The following ANKRA2 variants were observed in gnomAD, a reference collection of about 807,000 sequenced individuals.
ANKRA2 encodes ankyrin repeat family A member 2, also known as ankyrin repeat family A protein 2.
In ANKRA2, 33 loss-of-function variants were observed where a neutral mutation model predicts 37.8. The observed-to-expected ratio is 0.87, with a 90% confidence interval of 0.66 to 1.17. The LOEUF (loss-of-function observed/expected upper bound fraction) is 1.17, where lower values mean the gene tolerates loss of function less well. Ranked by LOEUF, ANKRA2 falls within the 50% of genes most tolerant of loss-of-function variation. ANKRA2 has a pLI of 0.00. For missense variants in ANKRA2, 326 were observed against 373.7 expected (o/e 0.87, Z 1.05); for synonymous variants, 126 against 132.3 (o/e 0.95, Z 0.33).
chr5:73,555,259 T>C, intron 5 of ANKRA2: 3 of 1,223,502 alleles, frequency 2.5e-6, no homozygotes, highest in Non-Finnish European at 3.3e-6. Context: ...ACAGTACTTC[T>C]GTTCCCGTGG....
chr5:73,562,794 T>C lies in ANKRA2; in HGVS notation c.88A>G (p.Ile30Val). 6.2e-7 allele frequency: 1 copy of C among 1,614,210 alleles called. No individual in the cohort carries two copies. Among genetic ancestry groups the C allele is most frequent in the East Asian group, 2.2e-5 (1 of 44,880 alleles). The change falls in exon 2 of 9, where the codon ATT (isoleucine) becomes GTT (valine). Residue 30 changes from isoleucine (I) to valine (V), a missense_variant. This residue lies in a region of ANKRA2 where 93 missense variants were observed against 91.1 expected (regional missense o/e 1.02). Transcript: ENST00000296785. ...STYSLTGMPD[I>V]KIEHPLDPNS... is the part of the protein sequence containing the mutation. The stretch of plus-strand genomic sequence containing the variant: ...GGGTCCAGTGGATGTTCTATTTTAA[T>C]GTCTGGCATGCCAGTTAGGCTATAA...
intron 3 of ANKRA2, among the ~76,000 whole-genome samples, chr5:73,560,425 A>G (rs1747516749): frequency 6.6e-6 from 1 of 152,058 alleles, no homozygotes; most frequent in African/African-American, 2.4e-5. Context: ...CAATGGTGCT[A>G]TTTCAGCTCA....
intron 3 of ANKRA2, among the ~76,000 whole-genome samples, chr5:73,558,302 G>C (rs565394248): frequency 1.3e-5 from 2 of 152,014 alleles, no homozygotes; most frequent in African/African-American, 4.8e-5. Flanking sequence ...CTACAAATTG[G>C]TATTATCAAT....
chr5:73,559,443 G>A (rs918426343), intron 3 of ANKRA2, among the ~76,000 whole-genome samples: 1 of 151,726 alleles, frequency 6.6e-6, no homozygotes, highest in Non-Finnish European at 1.5e-5. Context: ...AAAAAATTGT[G>A]GATTCAAGGT....
chr5:73,562,196 T>A (rs1269700800), intron 2 of ANKRA2, among the ~76,000 whole-genome samples: 2 of 151,914 alleles, frequency 1.3e-5, no homozygotes, highest in Non-Finnish European at 2.9e-5. Context: ...TTTGTATTTT[T>A]AGTAGAGACG....
At chr5:73,553,347 G>A (rs191249613) in intron 8 of ANKRA2, 59 bp downstream of exon 8, 1 of 1,321,864 alleles carries the variant, frequency 7.6e-7, no homozygotes, top group African/African-American at 1.5e-5. Flanking sequence ...TTGGAGTACT[G>A]GCTTATACTA....
intron 3 of ANKRA2, among the ~76,000 whole-genome samples, chr5:73,560,050 C>T (rs1388512910): frequency 1.3e-5 from 2 of 152,252 alleles, no homozygotes; most frequent in Admixed American, 6.5e-5. Context: ...AGGTGTGACA[C>T]GCCGTGTCTA....
Position 73,553,469 on chromosome 5 carries a change from T to C in ANKRA2, c.823A>G (p.Thr275Ala). The C allele has an allele frequency of 1.9e-6, 3 of 1,613,342 alleles. No individual in the cohort carries two copies. Among genetic ancestry groups the C allele is most frequent in the Non-Finnish European group, 1.7e-6 (2 of 1,179,534 alleles). ...TTATATCCAGAGTCAGTTTCAATTG[T>C]TGGATCAGCCCCACTTTCTATACCA... ...KMLLESGADP[T>A]IETDSGYNSM... The change falls in exon 8 of 9, where the codon ACA becomes GCA. Residue 275 changes from threonine (T) to alanine (A), a missense_variant. Physicochemically the swap from Thr to Ala is moderately conservative, Grantham distance 58. Coordinates refer to ENST00000296785, the MANE Select transcript of ANKRA2 (RefSeq NM_023039.5).
Position 73,552,712 on chromosome 5 carries a change from A to G in ANKRA2, c.*85T>C. The G allele has an allele frequency of 8.0e-7, 1 of 1,254,768 alleles. No homozygotes were observed. The highest frequency in any genetic ancestry group is 1.3e-5 in the South Asian group (1 of 75,930). 77.7% of individuals were successfully genotyped at this position (1,254,768 alleles called of 1,614,324 possible). On this transcript the variant is annotated 3_prime_UTR_variant, in exon 9 of 9. Transcript: ENST00000296785. ...TAAAAACCAGTAAATATTGCAACTGAGGTAAAAATTTATAAGTAAACAAAA... is the reference window on the plus strand; with the variant it reads ...TAAAAACCAGTAAATATTGCAACTGGGGTAAAAATTTATAAGTAAACAAAA...
At chr5:73,558,391 G>A (rs1747458372) in intron 3 of ANKRA2, among the ~76,000 whole-genome samples, 1 of 152,078 alleles carries the variant, frequency 6.6e-6, no homozygotes, top group Non-Finnish European at 1.5e-5. Context: ...CAGGAAGATG[G>A]GTCTTAAGAC....
At chr5:73,563,251 T>G (rs2112025140) in intron 1 of ANKRA2, among the ~76,000 whole-genome samples, 1 of 152,344 alleles carries the variant, frequency 6.6e-6, no homozygotes, top group South Asian at 2.1e-4. Context: ...CTTATAGGGT[T>G]CTGGTAAAGA....
intron 3 of ANKRA2, among the ~76,000 whole-genome samples, chr5:73,557,986 G>A (rs1305449157): frequency 3.3e-5 from 5 of 151,998 alleles, no homozygotes; most frequent in Admixed American, 3.3e-4. Context: ...CTGAGGCTGG[G>A]GAATCACTTG....
At position 73,562,641 on chromosome 5, in the gene ANKRA2, G is replaced by A; in HGVS notation, c.241C>T (p.Gln81Ter). 1 of 1,614,164 alleles carries A rather than the reference G, an allele frequency of 6.2e-7. No individual in the cohort carries two copies. Among genetic ancestry groups the A allele is most frequent in the Non-Finnish European group, 8.5e-7 (1 of 1,180,008 alleles). The change falls in exon 2 of 9, where the codon CAA becomes TAA. Residue 81 changes from glutamine to a stop codon, truncating the protein, a stop_gained. Transcript: ENST00000296785. LOFTEE classifies it high-confidence loss of function. ...TCCAGGTCAGAGTTAACCTGATCTT[G>A]AATATTTTTACTATCTTCTTCATTT... ...SLNEEDSKNI[Q>*]DQVNSDLEVA... is the part of the protein sequence containing the mutation.
chr5:73,562,907 A>AAAT lies in ANKRA2; in HGVS notation c.-27_-26insATT. ...GATTTCAACTGTAGTTTCAATAACT[A>AAAT]AAACATTTCTTCATGATTTCCTCTT... On this transcript the variant is annotated 5_prime_UTR_variant, in exon 2 of 9. Coordinates refer to ENST00000296785, the MANE Select transcript of ANKRA2 (RefSeq NM_023039.5). 2 of 1,559,506 alleles carry AAAT rather than the reference A, an allele frequency of 1.3e-6. No individual in the cohort carries two copies. Among genetic ancestry groups the AAAT allele is most frequent in the Non-Finnish European group, 8.7e-7 (1 of 1,150,142 alleles).
At chr5:73,561,392 A>T in intron 2 of ANKRA2, 104 bp from the exon 3 acceptor site, 1 of 1,085,216 alleles carries the variant, frequency 9.2e-7, no homozygotes, top group South Asian at 1.5e-5. Context: ...AGCTTCAATT[A>T]AACTATTTAT....
Position 73,555,569 on chromosome 5 carries a change from G to A in ANKRA2, c.531C>T (p.His177=). The change falls in exon 5 of 9, where the codon CAC becomes CAT. Residue 177 remains histidine, a synonymous_variant. Transcript: ENST00000296785. ...GAGGAGTAAATCCTTCTTCATCCGT[G>A]TGATTGATAACATTTTCTATTTAAA... is the stretch of plus-strand genomic sequence containing the variant. ...TRIEQENVIN[H]TDEEGFTPLM... is the part of the protein sequence containing the mutation. 1 of 1,613,678 alleles carries A rather than the reference G, an allele frequency of 6.2e-7. No individual in the cohort carries two copies. The highest frequency in any genetic ancestry group is 8.5e-7 in the Non-Finnish European group (1 of 1,179,840).
chr5:73,556,216 CCA>C (rs762639590), intron 4 of ANKRA2, among the ~76,000 whole-genome samples: 6 of 152,162 alleles, frequency 3.9e-5, no homozygotes, highest in Non-Finnish European at 5.9e-5. Context: ...ACCTTGAACC[CCA>C]TTTTCTTCCC....
Position 73,554,304 on chromosome 5 carries a change from A to G in ANKRA2, c.805+18T>C, listed in dbSNP as rs1323584960. 5 of 1,609,446 alleles carry G rather than the reference A, an allele frequency of 3.1e-6. No homozygotes were observed. In the Admixed American group the frequency reaches 6.7e-5, roughly 22 times the overall value. On this transcript the variant is annotated intron_variant, in intron 7 of 8. Coordinates refer to ENST00000296785, the MANE Select transcript of ANKRA2 (RefSeq NM_023039.5). ...ATCAAGTCCTCACATGGCATTTTCT[A>G]AATTTTTATCTGCTTACCTAAGAGC...
chr5:73,557,514 A>G, intron 4 of ANKRA2, 61 bp downstream of exon 4: 3 of 1,230,712 alleles, frequency 2.4e-6, no homozygotes, highest in South Asian at 1.6e-5. Flanking sequence ...TTAAAATAAA[A>G]CAATAACAAA....
Sources: gnomAD v4.1 joint callset for allele counts (sites outside exome capture counted in the v4.1 genomes callset) on GRCh38, gnomAD v4.1.1 for gene constraint, gnomAD v4.1.1 regional missense constraint, MANE v1.5 for transcripts, NCBI Gene and HGNC (gene_info 2026-07-23, HGNC 2026-07-21) for gene names.